HDAC9: variants seen among roughly 807,000 people sequenced by gnomAD.
HDAC9 encodes histone deacetylase 9.
In HDAC9, 41 loss-of-function variants were observed where a neutral mutation model predicts 139.4. The observed-to-expected ratio is 0.29, with a 90% confidence interval of 0.23 to 0.38. The LOEUF (loss-of-function observed/expected upper bound fraction) is 0.38, where lower values mean the gene tolerates loss of function less well. Ranked by LOEUF, HDAC9 falls within the 10% of genes least tolerant of loss-of-function variation. The pLI is 1.00. For synonymous variants in HDAC9, 517 were observed against 476.2 expected, an observed-to-expected ratio of 1.09 and a Z score of -1.12; for missense variants, 1,147 against 1,297.0, an observed-to-expected ratio of 0.88 and a Z score of 1.78.
intron 1 of HDAC9, among the ~76,000 whole-genome samples, chr7:18,460,360 GAATAAAC>G (rs1365655913): frequency 6.6e-6 from 1 of 152,070 alleles, no homozygotes; most frequent in African/African-American, 2.4e-5. Context: ...TTTCAGGGCA[GAATAAAC>G]AATATTTTTT....
intron 12 of HDAC9, among the ~76,000 whole-genome samples, chr7:18,714,947 A>G (rs1584900097): frequency 6.6e-6 from 1 of 152,350 alleles, no homozygotes; most frequent in East Asian, 1.9e-4. Context: ...CCAAGAAATA[A>G]TTACAAAAGT....
At chr7:18,250,640 G>A (rs938009567) in intron 2 of HDAC9, among the ~76,000 whole-genome samples, 6 of 152,076 alleles carry the variant, frequency 3.9e-5, no homozygotes, top group East Asian at 3.8e-4. Flanking sequence ...GAGTTACCAC[G>A]CAAATCTCAA....
At chr7:18,589,551 TAAAAA>T (rs1035891208) in intron 3 of HDAC9, among the ~76,000 whole-genome samples, 3 of 151,822 alleles carry the variant, frequency 2.0e-5, no homozygotes, top group Non-Finnish European at 2.9e-5. Flanking sequence ...AAAATAAAAA[TAAAAA>T]AGAGTGCAAG....
chr7:18,527,787 A>C (rs1249480575), intron 2 of HDAC9, among the ~76,000 whole-genome samples: 2 of 152,094 alleles, frequency 1.3e-5, no homozygotes, highest in African/African-American at 4.8e-5. Context: ...AATCTACCAG[A>C]ATGTTTATCT....
rs79364118 is a variant in HDAC9, at chr7:18,894,635, C to T, written c.2803+20039C>T. Among the ~76,000 whole-genome samples the T allele has an allele frequency of 6.3e-3, 954 of 151,968 alleles. 9 individuals carry two copies. The highest frequency in any genetic ancestry group is 0.021 in the African/African-American group (883 of 41,446). On this transcript the variant is annotated intron_variant, in intron 22 of 25. Transcript: ENST00000686413. ...CTGCTCTTGAGGAATTTTATTCTAA[C>T]GGGGAAGAGATCAATGGAGCAGTAG...
intron 12 of HDAC9, among the ~76,000 whole-genome samples, chr7:18,697,788 G>C (rs1783160941): frequency 6.8e-6 from 1 of 147,038 alleles, no homozygotes; most frequent in East Asian, 2.1e-4. Flanking sequence ...CGAAATGGAA[G>C]TAAACAGTAG....
chr7:18,834,466 TTCTGGC>T (rs1444534435), intron 19 of HDAC9, among the ~76,000 whole-genome samples: 3 of 151,892 alleles, frequency 2.0e-5, no homozygotes, highest in Admixed American at 6.6e-5. Context: ...CTTATATCAA[TTCTGGC>T]ACGTATCTGT....
At chr7:18,756,891 A>G (rs188201898) in intron 14 of HDAC9, among the ~76,000 whole-genome samples, 174 of 139,724 alleles carry the variant, frequency 1.2e-3, no homozygotes, top group African/African-American at 4.0e-3. Flanking sequence ...TTTTTTTTTT[A>G]TGAGAAAAAC....
intron 22 of HDAC9, among the ~76,000 whole-genome samples, chr7:18,908,989 G>A (rs964351152): frequency 1.3e-5 from 2 of 151,982 alleles, no homozygotes; most frequent in African/African-American, 4.8e-5. Flanking sequence ...CATACTGGCT[G>A]TACTAATTTA....
At chr7:18,795,834 C>G (rs1308462817) in intron 17 of HDAC9, among the ~76,000 whole-genome samples, 1 of 152,168 alleles carries the variant, frequency 6.6e-6, no homozygotes, top group African/African-American at 2.4e-5. Context: ...CTACGTGTCC[C>G]AGACTCAAAT....
chr7:18,437,810 A>C (rs1791350277), intron 1 of HDAC9, among the ~76,000 whole-genome samples: 1 of 151,370 alleles, frequency 6.6e-6, no homozygotes, highest in Non-Finnish European at 1.5e-5. Flanking sequence ...TTTATAGAAT[A>C]AAAAGGGAAA....
chr7:18,169,599 A>G (rs772753244), intron 2 of HDAC9, among the ~76,000 whole-genome samples: 4 of 151,802 alleles, frequency 2.6e-5, no homozygotes, highest in African/African-American at 7.3e-5. Context: ...TCCTAATGCT[A>G]TCCCTCCCCC....
At chr7:18,233,000 A>G (rs777976427) in intron 2 of HDAC9, among the ~76,000 whole-genome samples, 4 of 152,176 alleles carry the variant, frequency 2.6e-5, no homozygotes, top group African/African-American at 4.8e-5. Context: ...CAATTAAACT[A>G]AAGGAATAAG....
intron 11 of HDAC9, 94 bp from the exon 12 acceptor site, chr7:18,666,117 TCA>T: frequency 7.9e-7 from 1 of 1,264,854 alleles, no homozygotes. Flanking sequence ...TGATTAGAAA[TCA>T]CAGTGTATGA....
intron 24 of HDAC9, among the ~76,000 whole-genome samples, chr7:18,962,550 A>C (rs1783596239): frequency 6.6e-6 from 1 of 151,822 alleles, no homozygotes; most frequent in Non-Finnish European, 1.5e-5. Flanking sequence ...TTTTTTTTTC[A>C]CTCACACATC....
chr7:18,459,077 G>C (rs1343912248), intron 1 of HDAC9, among the ~76,000 whole-genome samples: 6 of 152,124 alleles, frequency 3.9e-5, no homozygotes. Flanking sequence ...TTCGGAGTTG[G>C]CATGAGTCAG....
intron 16 of HDAC9, among the ~76,000 whole-genome samples, chr7:18,769,964 C>T (rs986932320): frequency 3.3e-5 from 5 of 152,098 alleles, no homozygotes; most frequent in African/African-American, 4.8e-5. Flanking sequence ...AAAGTAAACG[C>T]CAGTTCCTTA....
intron 12 of HDAC9, among the ~76,000 whole-genome samples, chr7:18,699,261 A>G (rs564931353): frequency 4.6e-5 from 7 of 152,298 alleles, no homozygotes; most frequent in African/African-American, 1.7e-4. Context: ...TCCATGGCTT[A>G]GACAGGAACT....
intron 2 of HDAC9, among the ~76,000 whole-genome samples, chr7:18,265,020 G>A (rs1222751687): frequency 6.6e-6 from 1 of 152,106 alleles, no homozygotes; most frequent in Non-Finnish European, 1.5e-5. Context: ...TCCCAGAAAT[G>A]CTTGTGTTAT....
Sources: gnomAD v4.1 joint callset for allele counts (sites outside exome capture counted in the v4.1 genomes callset) on GRCh38, gnomAD v4.1.1 for gene constraint, MANE v1.5 for transcripts, NCBI Gene and HGNC (gene_info 2026-07-23, HGNC 2026-07-21) for gene names.